Variants in HRH1 observed in about 807,000 individuals in gnomAD.
The protein encoded by HRH1 is histamine H1 receptor.
Under a neutral mutation model 10.3 loss-of-function variants are expected in HRH1, and 6 were observed. The observed-to-expected ratio is 0.58, with a 90% CI of 0.32 to 1.15. The LOEUF is 1.15. Among genes scored for constraint, HRH1 ranks in the 50% most tolerant of loss-of-function variants. The probability of loss-of-function intolerance (pLI) is 0.05; values close to 1 mark genes in which losing one functional copy is unlikely to be tolerated. For missense variants in HRH1, 514 were observed against 615.3 expected, an observed-to-expected ratio of 0.84 and a Z score of 1.74; for synonymous variants, 242 against 236.7, an observed-to-expected ratio of 1.02 and a Z score of -0.21.
chr3:11,163,758 G>T (rs889858764), intron 1 of HRH1, among the ~76,000 whole-genome samples: 2 of 152,148 alleles, frequency 1.3e-5, no homozygotes, highest in East Asian at 3.8e-4. Context: ...AAGATTATAT[G>T]TGTTCTCATG....
At position 11,194,422 on chromosome 3, in the gene HRH1, G is replaced by A. The variant is rs147668152; in HGVS notation, c.-36+39868G>A. On this transcript the variant is annotated intron_variant, in intron 1 of 1. Transcript: ENST00000431010. ...TGGTGTCACCTCAGGCTCCCACCCC[G>A]TCTCAGACTCTGCGCCAGACACTTA... 3.0e-4 allele frequency among the ~76,000 whole-genome samples: 46 copies of A among 152,266 alleles called. 1 individual carries two copies. The highest frequency in any genetic ancestry group is 2.3e-3 in the East Asian group (12 of 5,190).
intron 1 of HRH1, among the ~76,000 whole-genome samples, chr3:11,212,080 A>C (rs1938344471): frequency 1.3e-5 from 2 of 152,032 alleles, no homozygotes; most frequent in South Asian, 2.1e-4. Context: ...TTGTCCTGGG[A>C]ATGCCAGGGC....
At chr3:11,226,249 G>C (rs1444324021) in intron 1 of HRH1, 2 of 152,212 alleles carry the variant, frequency 1.3e-5, no homozygotes, top group East Asian at 3.8e-4. Context: ...GTGGGCATTT[G>C]CCAGGCTGAT....
intron 1 of HRH1, among the ~76,000 whole-genome samples, chr3:11,214,147 AG>A (rs1271684098): frequency 6.6e-6 from 1 of 151,986 alleles, no homozygotes; most frequent in East Asian, 1.9e-4. Flanking sequence ...TGCAAACAGG[AG>A]GGGGAGGGGA....
intron 1 of HRH1, among the ~76,000 whole-genome samples, chr3:11,207,339 T>G (rs979848335): frequency 6.6e-6 from 1 of 151,514 alleles, no homozygotes; most frequent in African/African-American, 2.4e-5. Flanking sequence ...CCAAGGCGGG[T>G]GGATCACGAG....
rs180831997 is a variant in HRH1 at position 11,260,172 on chromosome 3, G to A, written c.1135G>A (p.Gly379Arg). ...TAPGKGKLRS[G>R]SNTGLDYIKF... is the part of the protein sequence containing the mutation. ...ACCAGGCAAAGGCAAATTGAGGAGT[G>A]GGTCTAACACAGGCCTGGATTACAT... Residue 379 changes from glycine (G) to arginine (R), a missense_variant, in exon 2 of 2, where the codon GGG becomes AGG. Gly to Arg is a moderately radical substitution (Grantham distance 125). Transcript: ENST00000431010. 185 of 1,614,006 alleles carry A rather than the reference G, an allele frequency of 1.1e-4. No individual in the cohort carries two copies. Among genetic ancestry groups the A allele is most frequent in the Non-Finnish European group, 1.1e-5 (13 of 1,180,016 alleles).
At chr3:11,171,068 C>T (rs1937141433) in intron 1 of HRH1, among the ~76,000 whole-genome samples, 1 of 151,770 alleles carries the variant, frequency 6.6e-6, no homozygotes. Flanking sequence ...GTTTAAGGGA[C>T]ACCAGGAGAC....
Position 11,260,337 on chromosome 3 carries a change from T to C in HRH1, c.1300T>C (p.Phe434Leu). 2 of 1,614,246 alleles carry C rather than the reference T, an allele frequency of 1.2e-6. No homozygotes were observed. Among genetic ancestry groups the C allele is most frequent in the Non-Finnish European group, 1.7e-6 (2 of 1,180,046 alleles). The change falls in exon 2 of 2, where the codon TTC becomes CTC. Residue 434 changes from phenylalanine to leucine, a missense_variant. Physicochemically the swap from Phe to Leu is conservative, Grantham distance 22. Coordinates refer to ENST00000431010, the MANE Select transcript of HRH1 (RefSeq NM_001098212.2). ...FILCWIPYFI[F>L]FMVIAFCKNC... ...CCTCTGCTGGATCCCTTATTTCATC[T>C]TCTTCATGGTCATTGCCTTCTGCAA...
chr3:11,183,518 AGC>A (rs1261215398), intron 1 of HRH1, among the ~76,000 whole-genome samples: 1 of 152,160 alleles, frequency 6.6e-6, no homozygotes, highest in Non-Finnish European at 1.5e-5. Context: ...CCTGCCCCAA[AGC>A]GCCTGTAGTA....
chr3:11,208,299 T>C (rs949936256), intron 1 of HRH1, among the ~76,000 whole-genome samples: 3 of 152,006 alleles, frequency 2.0e-5, no homozygotes, highest in Non-Finnish European at 4.4e-5. Context: ...ATTCCAGACA[T>C]GTACCACTGC....
intron 1 of HRH1, among the ~76,000 whole-genome samples, chr3:11,257,129 T>A (rs1179497038): frequency 6.7e-6 from 1 of 149,932 alleles, no homozygotes; most frequent in Non-Finnish European, 1.5e-5. Flanking sequence ...GGTGGGTGCC[T>A]GTAATTGTAG....
intron 1 of HRH1, among the ~76,000 whole-genome samples, chr3:11,183,971 G>A (rs1347349792): frequency 1.3e-5 from 2 of 151,448 alleles, no homozygotes; most frequent in Admixed American, 1.3e-4. Context: ...GAGGCAGGCG[G>A]TGTGATGGTT....
chr3:11,148,479 T>C (rs1056603180), intron 1 of HRH1, among the ~76,000 whole-genome samples: 4 of 152,204 alleles, frequency 2.6e-5, no homozygotes, highest in Admixed American at 6.5e-5. Context: ...AGGGCTAATA[T>C]AGCAGCTCCA....
intron 1 of HRH1, among the ~76,000 whole-genome samples, chr3:11,192,897 AG>A (rs1382464605): frequency 6.6e-6 from 1 of 152,070 alleles, no homozygotes; most frequent in African/African-American, 2.4e-5. Context: ...CATCTCTCCC[AG>A]GGCTATTAGA....
rs1325684024 is a variant in HRH1 at position 11,262,305 on chromosome 3, T to C, written c.*1804T>C. ...ATGTTTAAAAGCATACTCTATGTGA[T>C]TTATTTATTTCTACCTTTCTGAGTC... On this transcript the variant is annotated 3_prime_UTR_variant, in exon 2 of 2. Coordinates refer to ENST00000431010, the MANE Select transcript of HRH1 (RefSeq NM_001098212.2). The C allele has an allele frequency of 6.0e-6, 1 of 167,084 alleles. No homozygotes were observed. The highest frequency in any genetic ancestry group is 2.1e-4 in the South Asian group (1 of 4,832). 10.4% of individuals were successfully genotyped at this position (167,084 alleles called of 1,614,324 possible).
intron 1 of HRH1, among the ~76,000 whole-genome samples, chr3:11,175,325 TG>T (rs921479670): frequency 7.2e-5 from 11 of 152,216 alleles, no homozygotes; most frequent in African/African-American, 2.2e-4. Context: ...GCAATAGAGC[TG>T]GGTTTCAAAT....
At chr3:11,252,599 A>G (rs1193226561) in intron 1 of HRH1, 1 of 152,240 alleles carries the variant, frequency 6.6e-6, no homozygotes, top group Non-Finnish European at 1.5e-5. Flanking sequence ...GCTAATGGAC[A>G]AGCCCAGAAG....
rs1277909823 is a variant in HRH1, at chr3:11,155,388, C to T, written c.-36+834C>T. On this transcript the variant is annotated intron_variant, in intron 1 of 1. Coordinates refer to ENST00000431010, the MANE Select transcript of HRH1 (RefSeq NM_001098212.2). Reference sequence around the variant, plus strand: ...TCTAGAAGTTGCTCTCAGTTTTTCTCGAAGGAGCCCAGGAAGCCAGGAGCA... The same window carrying T: ...TCTAGAAGTTGCTCTCAGTTTTTCTTGAAGGAGCCCAGGAAGCCAGGAGCA... Among the ~76,000 whole-genome samples, 4 of 152,154 alleles carry T rather than the reference C, an allele frequency of 2.6e-5. No homozygotes were observed. In the East Asian group the frequency reaches 7.7e-4, roughly 29 times the overall value.
upstream of HRH1, among the ~76,000 whole-genome samples, chr3:11,150,534 C>T (rs1410345209): frequency 2.6e-5 from 4 of 152,238 alleles, no homozygotes; most frequent in South Asian, 6.2e-4. Flanking sequence ...AGCCTGGGAG[C>T]CCAACGTAGT....
Sources: allele counts gnomAD v4.1 joint callset (sites outside exome capture counted in the v4.1 genomes callset), GRCh38; gene constraint gnomAD v4.1.1; transcripts MANE v1.5; gene names NCBI Gene and HGNC (gene_info 2026-07-23, HGNC 2026-07-21).